PCDHA1: variants seen among roughly 807,000 people sequenced by gnomAD.
PCDHA1 encodes the protein protocadherin alpha-1.
Under a neutral mutation model 61.3 loss-of-function variants are expected in PCDHA1, and 42 were observed. The observed-to-expected ratio is 0.69, with a 90% CI of 0.54 to 0.89. The LOEUF is 0.89. Among genes scored for constraint, PCDHA1 ranks in the 40% least tolerant of loss-of-function variants. The pLI, the probability that PCDHA1 is intolerant of heterozygous loss-of-function variation, is 0.00. For synonymous variants in PCDHA1, 610 were observed against 553.8 expected, an observed-to-expected ratio of 1.10 and a Z score of -1.43; for missense variants, 1,256 against 1,235.3, an observed-to-expected ratio of 1.02 and a Z score of -0.25.
chr5:140,964,252 T>G (rs569615423), intron 1 of PCDHA1, among the ~76,000 whole-genome samples: 6 of 152,332 alleles, frequency 3.9e-5, no homozygotes, highest in African/African-American at 1.2e-4. Flanking sequence ...GGCTTTATAT[T>G]TGACTCCTTA....
intron 1 of PCDHA1, among the ~76,000 whole-genome samples, chr5:140,919,522 CT>C (rs1554199133): frequency 1.3e-5 from 2 of 152,000 alleles, no homozygotes; most frequent in Non-Finnish European, 2.9e-5. Flanking sequence ...TTTTAATTCT[CT>C]TTTTTTCCTA....
intron 1 of PCDHA1, among the ~76,000 whole-genome samples, chr5:140,946,990 C>T (rs181802680): frequency 2.6e-5 from 4 of 151,580 alleles, no homozygotes; most frequent in African/African-American, 9.7e-5. Context: ...TTTGAGTGTT[C>T]TAACTTCAAA....
At chr5:140,986,181 G>A (rs531382269) in intron 3 of PCDHA1, among the ~76,000 whole-genome samples, 1 of 152,152 alleles carries the variant, frequency 6.6e-6, no homozygotes, top group Admixed American at 6.6e-5. Flanking sequence ...AACAAGTCAG[G>A]CATTAAATTG....
intron 1 of PCDHA1, chr5:140,869,778 C>T (rs782226363): frequency 4.0e-5 from 65 of 1,612,804 alleles, no homozygotes; most frequent in Admixed American, 5.0e-5. Flanking sequence ...TTACTGGCAC[C>T]GTTCGGCTGT....
At chr5:140,805,900 T>C (rs1763649020) in intron 1 of PCDHA1, among the ~76,000 whole-genome samples, 1 of 152,206 alleles carries the variant, frequency 6.6e-6, no homozygotes, top group East Asian at 1.9e-4. Flanking sequence ...AAACATTTTC[T>C]GCAGGGTAAA....
chr5:140,967,837 C>T (rs2096189054), intron 1 of PCDHA1: 4 of 1,613,994 alleles, frequency 2.5e-6, no homozygotes, highest in African/African-American at 2.7e-5. Context: ...ACATCGTGGA[C>T]GTGAATGACA....
rs374310903 is a variant in PCDHA1 at position 140,968,575 on chromosome 5, G to A, written c.2395-10374G>A. 16 of 1,614,016 alleles carry A rather than the reference G, an allele frequency of 9.9e-6. No homozygotes were observed. In the African/African-American group the frequency reaches 2.1e-4, roughly 22 times the overall value. ...CTCGAACTGCCCCTGCTGGCTACCT[G>A]GTCACCAAAGTCATAGCTATGGACT... On this transcript the variant is annotated intron_variant, in intron 1 of 3. Transcript: ENST00000504120.
intron 1 of PCDHA1, among the ~76,000 whole-genome samples, chr5:140,926,017 G>C (rs1222079500): frequency 2.0e-5 from 3 of 152,050 alleles, no homozygotes; most frequent in African/African-American, 7.2e-5. Context: ...GCCAGAGTCC[G>C]GAGGCAGTTT....
At chr5:140,835,667 G>A (rs2150241297) in intron 1 of PCDHA1, 2 of 1,613,924 alleles carry the variant, frequency 1.2e-6, no homozygotes, top group Non-Finnish European at 8.5e-7. Context: ...TTACCGCGCG[G>A]GACGGGGGCT....
chr5:140,966,427 C>T (rs2096001144), intron 1 of PCDHA1: 1 of 421,646 alleles, frequency 2.4e-6, no homozygotes, highest in African/African-American at 2.1e-5. Context: ...CTTGCTGAGC[C>T]CTCCTACCGC....
At chr5:140,805,407 T>C (rs1343800816) in intron 1 of PCDHA1, 2 of 1,077,090 alleles carry the variant, frequency 1.9e-6, no homozygotes, top group Non-Finnish European at 1.1e-6. Flanking sequence ...ATTCAGAAAT[T>C]TGGTGGGTTT....
intron 1 of PCDHA1, chr5:140,834,626 T>G: frequency 6.2e-7 from 1 of 1,614,168 alleles, no homozygotes; most frequent in East Asian, 2.2e-5. Context: ...ATCTGCAGAA[T>G]GGCATTTTGT....
chr5:140,979,020 C>T lies in PCDHA1; in HGVS notation c.2453+13C>T. The T allele has an allele frequency of 6.2e-7, 1 of 1,613,708 alleles. No individual in the cohort carries two copies. Among genetic ancestry groups the T allele is most frequent in the Non-Finnish European group, 8.5e-7 (1 of 1,179,840 alleles). On this transcript the variant is annotated intron_variant, in intron 2 of 3. Transcript: ENST00000504120. ...CAGGCATGCACAGGTATGTATTTCC[C>T]TCCTCATTCACTCAGAAGTAACCTT...
At chr5:140,969,556 C>A in intron 1 of PCDHA1, 1 of 1,210,690 alleles carries the variant, frequency 8.3e-7, no homozygotes, top group Non-Finnish European at 1.1e-6. Flanking sequence ...AAGCCTTGTC[C>A]ATAAAATTGT....
At chr5:140,938,535 T>C (rs1213072173) in intron 1 of PCDHA1, among the ~76,000 whole-genome samples, 2 of 140,516 alleles carry the variant, frequency 1.4e-5, no homozygotes, top group African/African-American at 2.6e-5. Flanking sequence ...ATGGATAATA[T>C]GGATTTTTAT....
intron 1 of PCDHA1, among the ~76,000 whole-genome samples, chr5:140,907,664 T>G (rs2073522534): frequency 6.6e-6 from 1 of 152,216 alleles, no homozygotes; most frequent in Non-Finnish European, 1.5e-5. Context: ...CAGCAGTGGC[T>G]GTAGCCAGGT....
intron 1 of PCDHA1, among the ~76,000 whole-genome samples, chr5:140,932,798 T>C (rs2153613163): frequency 6.6e-6 from 1 of 151,958 alleles, no homozygotes; most frequent in Middle Eastern, 3.4e-3. Flanking sequence ...AGAAAAGCAA[T>C]ACCTTGGAAA....
chr5:140,950,668 T>C (rs185130303), intron 1 of PCDHA1, among the ~76,000 whole-genome samples: 5 of 152,238 alleles, frequency 3.3e-5, no homozygotes, highest in African/African-American at 9.6e-5. Flanking sequence ...TTATCAAACA[T>C]GTACATGTAT....
chr5:140,958,066 C>T (rs782243559), intron 1 of PCDHA1, among the ~76,000 whole-genome samples: 2 of 151,900 alleles, frequency 1.3e-5, no homozygotes, highest in African/African-American at 4.8e-5. Context: ...AGAAAAAACA[C>T]AGAAGCAAAA....
Sources: gnomAD v4.1 joint callset for allele counts (sites outside exome capture counted in the v4.1 genomes callset) on GRCh38, gnomAD v4.1.1 for gene constraint, MANE v1.5 for transcripts, NCBI Gene and HGNC (gene_info 2026-07-23, HGNC 2026-07-21) for gene names.